BAZ2B: variants seen among roughly 807,000 people sequenced by gnomAD.
BAZ2B encodes bromodomain adjacent to zinc finger domain protein 2B.
Under a neutral mutation model 246.0 loss-of-function variants are expected in BAZ2B, and 91 were observed. The ratio of observed to expected loss-of-function variants is 0.37; its 90% CI spans 0.31 to 0.44. The LOEUF is 0.44. Ranked by LOEUF, BAZ2B falls within the 20% of genes least tolerant of loss-of-function variation. The pLI is 1.00. For missense variants in BAZ2B, 2,332 were observed against 2,533.7 expected (o/e 0.92, Z 1.71); for synonymous variants, 855 against 860.0 (o/e 0.99, Z 0.10).
chr2:159,610,400 T>C (rs1694457419), intron 1 of BAZ2B, among the ~76,000 whole-genome samples: 2 of 152,202 alleles, frequency 1.3e-5, no homozygotes, highest in Non-Finnish European at 2.9e-5. Context: ...ACACCGTTCT[T>C]TACACCAAAC....
intron 3 of BAZ2B, among the ~76,000 whole-genome samples, chr2:159,455,417 A>G (rs1036263488): frequency 6.6e-6 from 1 of 152,140 alleles, no homozygotes; most frequent in Non-Finnish European, 1.5e-5. Flanking sequence ...AATTGCATTA[A>G]GTATGTTTTG....
intron 6 of BAZ2B, among the ~76,000 whole-genome samples, chr2:159,440,777 G>A (rs910974849): frequency 2.0e-5 from 3 of 152,020 alleles, no homozygotes; most frequent in African/African-American, 4.8e-5. Flanking sequence ...CCAAAGTGCC[G>A]GGATTACAGG....
Position 159,350,100 on chromosome 2 carries a change from C to T in BAZ2B, c.4471G>A (p.Ala1491Thr), listed in dbSNP as rs1329691900. Residue 1491 changes from alanine to threonine, a missense_variant, in exon 28 of 37, where the codon GCT (alanine) becomes ACT (threonine). Physicochemically the swap from Ala to Thr is moderately conservative, Grantham distance 58 (BLOSUM62 0). Coordinates refer to ENST00000392783, the MANE Select transcript of BAZ2B (RefSeq NM_013450.4). ...ESEVMTPKPN[A>T]GANGCTLSYQ... Reference sequence around the variant, plus strand: ...GACAACGTGCACCCATTTGCACCAGCATTTGGTTTGGGGGTCATAACCTCT... The same window carrying T: ...GACAACGTGCACCCATTTGCACCAGTATTTGGTTTGGGGGTCATAACCTCT... 2 of 1,613,982 alleles carry T rather than the reference C, an allele frequency of 1.2e-6. No individual in the cohort carries two copies. Among genetic ancestry groups the T allele is most frequent in the Non-Finnish European group, 1.7e-6 (2 of 1,180,024 alleles).
intron 2 of BAZ2B, among the ~76,000 whole-genome samples, chr2:159,529,709 T>C (rs56328422): frequency 0.19 from 28,528 of 152,160 alleles, 3,650 homozygotes; most frequent in Non-Finnish European, 0.28. Context: ...CTTTCACCAA[T>C]AGAATGAAAA....
At chr2:159,327,413 C>T (rs113889779) in intron 34 of BAZ2B, among the ~76,000 whole-genome samples, 291 of 152,234 alleles carry the variant, frequency 1.9e-3, no homozygotes, top group Middle Eastern at 3.4e-3. Context: ...ATAAGGCAAA[C>T]CATAAATCCA....
At chr2:159,443,623 C>T (rs2073815481) in intron 6 of BAZ2B, among the ~76,000 whole-genome samples, 1 of 152,140 alleles carries the variant, frequency 6.6e-6, no homozygotes, top group Non-Finnish European at 1.5e-5. Flanking sequence ...AACCACATAT[C>T]ATCTGAAAGT....
chr2:159,465,834 A>G (rs971078420), intron 3 of BAZ2B, among the ~76,000 whole-genome samples: 1 of 152,098 alleles, frequency 6.6e-6, no homozygotes, highest in Non-Finnish European at 1.5e-5. Context: ...GAATCACTTG[A>G]ACCCAGGAGG....
At chr2:159,516,082 CA>C (rs1373419844) in intron 2 of BAZ2B, among the ~76,000 whole-genome samples, 1 of 151,852 alleles carries the variant, frequency 6.6e-6, no homozygotes, top group Admixed American at 6.6e-5. Flanking sequence ...TTTAAGATAC[CA>C]AACAGAAATA....
At chr2:159,407,663 G>A (rs2066173286) in intron 14 of BAZ2B, among the ~76,000 whole-genome samples, 1 of 152,112 alleles carries the variant, frequency 6.6e-6, no homozygotes, top group African/African-American at 2.4e-5. Context: ...GATTAAAAAA[G>A]TCGAATTTCA....
At chr2:159,336,719 CA>C (rs2065731148) in intron 33 of BAZ2B, among the ~76,000 whole-genome samples, 1 of 151,966 alleles carries the variant, frequency 6.6e-6, no homozygotes, top group African/African-American at 2.4e-5. Flanking sequence ...AAACGATATT[CA>C]AAGGAGGCAG....
the BAZ2B span, chr2:159,690,187 T>C: frequency 2.1e-6 from 1 of 481,058 alleles, no homozygotes; most frequent in South Asian, 1.8e-5. Context: ...CTAGCGTCTT[T>C]CCAACATTTC....
intron 13 of BAZ2B, among the ~76,000 whole-genome samples, chr2:159,424,304 G>T (rs2150087004): frequency 6.6e-6 from 1 of 152,130 alleles, no homozygotes; most frequent in East Asian, 1.9e-4. Context: ...GGGGTGAGGG[G>T]ACTTGTTTTT....
intron 27 of BAZ2B, among the ~76,000 whole-genome samples, chr2:159,355,343 G>T (rs1297323046): frequency 6.6e-6 from 1 of 152,136 alleles, no homozygotes; most frequent in East Asian, 1.9e-4. Flanking sequence ...GAAGATAGTG[G>T]AAGGAAGATG....
intron 4 of BAZ2B, among the ~76,000 whole-genome samples, chr2:159,451,599 G>A (rs926099832): frequency 6.6e-6 from 1 of 152,110 alleles, no homozygotes; most frequent in Admixed American, 6.5e-5. Context: ...TCTTGTAATT[G>A]TCTGTTCATC....
the BAZ2B span, among the ~76,000 whole-genome samples, chr2:159,630,853 G>A: frequency 6.6e-6 from 1 of 152,068 alleles, no homozygotes; most frequent in African/African-American, 2.4e-5. Context: ...GTATTCTTAT[G>A]CTATTATTGG....
chr2:159,701,725 T>C, the BAZ2B span, among the ~76,000 whole-genome samples: 1 of 148,340 alleles, frequency 6.7e-6, no homozygotes, highest in Non-Finnish European at 1.5e-5. Flanking sequence ...TTATAATATA[T>C]TACATATTAT....
rs1558920255 is a variant in BAZ2B, at chr2:159,320,307, C to T, written c.6465G>A (p.Lys2155=). The change falls in exon 37 of 37, where the codon AAG becomes AAA. Residue 2155 remains lysine (K), a synonymous_variant. Coordinates refer to ENST00000392783, the MANE Select transcript of BAZ2B (RefSeq NM_013450.4). ...TATCTGTCCACTTTTTTTCAAAATA[C>T]TTCCTCATATTGTGGCCAGCTCTGC... ...DIGRAGHNMR[K]YFEKKWTDTF... is the part of the protein sequence containing the mutation. 2.6e-6 allele frequency: 4 copies of T among 1,564,502 alleles called. No homozygotes were observed. The highest frequency in any genetic ancestry group is 2.4e-5 in the South Asian group (2 of 81,950).
chr2:159,325,039 TA>T (rs1378444506), intron 35 of BAZ2B, 85 bp from the exon 36 acceptor site: 3 of 18,438 alleles, frequency 1.6e-4, no homozygotes, highest in African/African-American at 3.7e-4. Context: ...TTATTATATA[TA>T]TATTATATAT....
intron 27 of BAZ2B, among the ~76,000 whole-genome samples, chr2:159,365,914 T>A (rs1559125020): frequency 6.6e-6 from 1 of 152,230 alleles, no homozygotes; most frequent in Non-Finnish European, 1.5e-5. Flanking sequence ...ATTAACAGAC[T>A]GTACCAAATA....
Sources: gnomAD v4.1 joint callset for allele counts (sites outside exome capture counted in the v4.1 genomes callset) on GRCh38, gnomAD v4.1.1 for gene constraint, MANE v1.5 for transcripts, NCBI Gene and HGNC (gene_info 2026-07-23, HGNC 2026-07-21) for gene names.